The following FGFR2 variants were observed in gnomAD, a reference collection of about 807,000 sequenced individuals.
FGFR2 encodes fibroblast growth factor receptor 2, also known as BEK fibroblast growth factor receptor.
Under a neutral mutation model 95.9 loss-of-function variants are expected in FGFR2, and 19 were observed. The observed-to-expected ratio is 0.20, with a 90% CI of 0.14 to 0.29. The LOEUF is 0.29. Ranked by LOEUF, FGFR2 falls within the 10% of genes least tolerant of loss-of-function variation. The probability of loss-of-function intolerance (pLI) is 1.00; values close to 1 mark genes in which losing one functional copy is unlikely to be tolerated. For synonymous variants in FGFR2, 392 were observed against 393.3 expected (o/e 1.00, Z 0.04); for missense variants, 707 against 1,056.9 (o/e 0.67, Z 4.59).
At position 121,485,591 on chromosome 10, in the gene FGFR2, C is replaced by T. The variant is rs1043736159; in HGVS notation, c.2058-59G>A. 2.4e-4 allele frequency: 395 copies of T among 1,612,348 alleles called. No homozygotes were observed. Among genetic ancestry groups the T allele is most frequent in the Non-Finnish European group, 3.2e-4 (378 of 1,179,092 alleles). Reference sequence around the variant, plus strand: ...CCCATCCACGTTGCCAAAACCTAAACACGCCCAGCTGAGACATAAACACCT... The same window carrying T: ...CCCATCCACGTTGCCAAAACCTAAATACGCCCAGCTGAGACATAAACACCT... On this transcript the variant is annotated intron_variant, in intron 15 of 17. Coordinates refer to ENST00000358487, the MANE Select transcript of FGFR2 (RefSeq NM_000141.5). This position sits in a 1 kb window ranked among gnomAD's most constrained non-coding sequence, Gnocchi z 4.2.
rs1375852239 is a variant in FGFR2 at position 121,580,354 on chromosome 10, TC to T, written c.109+13354del. Among the ~76,000 whole-genome samples the T allele has an allele frequency of 3.3e-5, 5 of 152,128 alleles. No homozygotes were observed. The East Asian group carries it at 7.7e-4, about 23-fold the overall frequency. On this transcript the variant is annotated intron_variant, in intron 2 of 17. Transcript: ENST00000358487. ...TCCCCGCCTGATCCCCTCAGCAGCATCCCAGCCATTTGCAAATGAAGCAGCA... is the reference window on the plus strand; with the variant it reads ...TCCCCGCCTGATCCCCTCAGCAGCATCCAGCCATTTGCAAATGAAGCAGCA...
chr10:121,495,059 T>A (rs1402746423), intron 13 of FGFR2, among the ~76,000 whole-genome samples: 1 of 152,180 alleles, frequency 6.6e-6, no homozygotes, highest in East Asian at 1.9e-4. Context: ...TTCGAGACAC[T>A]GACATTTGGA....
intron 12 of FGFR2, among the ~76,000 whole-genome samples, chr10:121,497,452 T>C (rs1302601441): frequency 6.6e-6 from 1 of 152,234 alleles, no homozygotes; most frequent in African/African-American, 2.4e-5. Context: ...CCATACATTA[T>C]CCTTTTGGAA....
chr10:121,572,385 C>T (rs1182002254), intron 2 of FGFR2, among the ~76,000 whole-genome samples: 1 of 152,048 alleles, frequency 6.6e-6, no homozygotes, highest in Non-Finnish European at 1.5e-5. Flanking sequence ...CTTTGGGAGA[C>T]CAAAGCGAGT....
intron 4 of FGFR2, among the ~76,000 whole-genome samples, chr10:121,563,201 C>T (rs1418359413): frequency 6.6e-6 from 1 of 152,166 alleles, no homozygotes; most frequent in Non-Finnish European, 1.5e-5. Flanking sequence ...TGGTGAAACC[C>T]CATCTCTACT....
At chr10:121,542,841 G>A (rs1034252149) in intron 5 of FGFR2, among the ~76,000 whole-genome samples, 2 of 152,114 alleles carry the variant, frequency 1.3e-5, no homozygotes, top group Non-Finnish European at 2.9e-5. Flanking sequence ...CTACCCTCAG[G>A]TGACAACTGG....
Position 121,485,566 on chromosome 10 carries a change from C to T in FGFR2, c.2058-34G>A, listed in dbSNP as rs1236484254. The T allele has an allele frequency of 6.2e-7, 1 of 1,613,986 alleles. No individual in the cohort carries two copies. Among genetic ancestry groups the T allele is most frequent in the East Asian group, 2.2e-5 (1 of 44,864 alleles). On this transcript the variant is annotated intron_variant, in intron 15 of 17. Transcript: ENST00000358487. The surrounding 1 kb of genome is among the most constrained non-coding windows in gnomAD (Gnocchi z 4.2). Reference sequence around the variant, plus strand: ...AAAGGAGAAAGCACGGCATTACTAACCCATCCACGTTGCCAAAACCTAAAC... The same window carrying T: ...AAAGGAGAAAGCACGGCATTACTAATCCATCCACGTTGCCAAAACCTAAAC...
At chr10:121,556,549 T>A (rs1856189054) in intron 4 of FGFR2, among the ~76,000 whole-genome samples, 1 of 152,022 alleles carries the variant, frequency 6.6e-6, no homozygotes, top group South Asian at 2.1e-4. Context: ...ACTGATGATA[T>A]CAATGTCATC....
chr10:121,533,363 C>T (rs1322849081), intron 6 of FGFR2, among the ~76,000 whole-genome samples: 1 of 152,190 alleles, frequency 6.6e-6, no homozygotes, highest in Non-Finnish European at 1.5e-5. Flanking sequence ...GTACTCCAGC[C>T]TGGGCAACAA....
At chr10:121,498,882 C>T (rs142070727) in intron 11 of FGFR2, among the ~76,000 whole-genome samples, 16 of 152,252 alleles carry the variant, frequency 1.1e-4, no homozygotes, top group African/African-American at 3.9e-4. Flanking sequence ...CTTTCCTAGA[C>T]CATGAGATAA....
chr10:121,488,064 T>C lies in FGFR2; in HGVS notation c.1913A>G (p.Asn638Ser), dbSNP rs777169135. 1.2e-6 allele frequency: 2 copies of C among 1,614,144 alleles called. No homozygotes were observed. Among genetic ancestry groups the C allele is most frequent in the South Asian group, 1.1e-5 (1 of 91,086 alleles). Residue 638 changes from asparagine (N) to serine (S), a missense_variant, in exon 14 of 18, where the codon AAT becomes AGT. Asn to Ser is a conservative substitution (Grantham distance 46). This residue lies in a region of FGFR2 where 104 missense variants were observed against 214.2 expected (regional missense o/e 0.49). Coordinates refer to ENST00000358487, the MANE Select transcript of FGFR2 (RefSeq NM_000141.5). ...TCCAAAGTCTGCTATTTTCATCACA[T>C]TGTTTTCTGTTACCAAAACATTTCT... ...AARNVLVTEN[N>S]VMKIADFGLA...
intron 11 of FGFR2, among the ~76,000 whole-genome samples, chr10:121,498,982 A>G (rs886143417): frequency 6.6e-6 from 1 of 152,140 alleles, no homozygotes; most frequent in African/African-American, 2.4e-5. Context: ...GGGTAGGGCC[A>G]TTTCAAATCA....
chr10:121,594,631 A>G (rs1863168751), intron 1 of FGFR2, among the ~76,000 whole-genome samples: 1 of 152,252 alleles, frequency 6.6e-6, no homozygotes, highest in African/African-American at 2.4e-5. Context: ...ACTTACGAAG[A>G]GTGAACACAA....
intron 2 of FGFR2, among the ~76,000 whole-genome samples, chr10:121,586,344 C>G (rs1394308060): frequency 1.3e-5 from 2 of 152,182 alleles, no homozygotes; most frequent in African/African-American, 2.4e-5. Context: ...CTATTTTTAG[C>G]CTCCTCATAA....
chr10:121,556,219 A>G (rs989640382), intron 4 of FGFR2, among the ~76,000 whole-genome samples: 1 of 152,192 alleles, frequency 6.6e-6, no homozygotes, highest in Non-Finnish European at 1.5e-5. Context: ...CGCCAGTTCG[A>G]ACATACTTTC....
intron 2 of FGFR2, among the ~76,000 whole-genome samples, chr10:121,591,055 C>CT (rs1243485876): frequency 3.3e-5 from 5 of 152,082 alleles, no homozygotes; most frequent in African/African-American, 9.7e-5. Flanking sequence ...AGCACAGAGC[C>CT]TAAACCTGAG....
chr10:121,591,032 CTT>C (rs1231251220), intron 2 of FGFR2, among the ~76,000 whole-genome samples: 1 of 151,086 alleles, frequency 6.6e-6, no homozygotes, highest in Non-Finnish European at 1.5e-5. Context: ...CTCTCTCTCT[CTT>C]CCAATTCACC....
At chr10:121,481,549 A>C (rs956889412) in intron 17 of FGFR2, among the ~76,000 whole-genome samples, 4 of 152,178 alleles carry the variant, frequency 2.6e-5, no homozygotes, top group African/African-American at 4.8e-5. Context: ...CACGCCCACC[A>C]CATCAAAAGA....
At chr10:121,486,212 G>A (rs979272501) in intron 15 of FGFR2, among the ~76,000 whole-genome samples, 10 of 152,122 alleles carry the variant, frequency 6.6e-5, no homozygotes, top group African/African-American at 2.4e-4. Context: ...CATCATGGTC[G>A]TTCTGGAAAC....
Sources: gnomAD v4.1 joint callset for allele counts (sites outside exome capture counted in the v4.1 genomes callset) on GRCh38, gnomAD v4.1.1 for gene constraint, gnomAD v4.1.1 regional missense constraint, Gnocchi (gnomAD v3.1) non-coding constraint, MANE v1.5 for transcripts, NCBI Gene and HGNC (gene_info 2026-07-23, HGNC 2026-07-21) for gene names.